SLC49A3: variants seen among roughly 807,000 people sequenced by gnomAD.
SLC49A3 encodes the protein solute carrier family 49 member A3.
In SLC49A3, 50 loss-of-function variants were observed where a neutral mutation model predicts 43.8. That is an observed-to-expected ratio of 1.14 (90% CI 0.91 to 1.45). The LOEUF (loss-of-function observed/expected upper bound fraction) is 1.45. Among genes scored for constraint, SLC49A3 ranks in the 40% most tolerant of loss-of-function variants. The probability of loss-of-function intolerance (pLI) is 0.00; values close to 1 mark genes in which losing one functional copy is unlikely to be tolerated. For synonymous variants in SLC49A3, 413 were observed against 352.0 expected (o/e 1.17, Z -1.94); for missense variants, 906 against 774.1 (o/e 1.17, Z -2.02).
At position 685,557 on chromosome 4, in the gene SLC49A3, T is replaced by A. The variant is rs1740828404; in HGVS notation, c.585+278A>T. Among the ~76,000 whole-genome samples, 1 of 150,986 alleles carries A rather than the reference T, an allele frequency of 6.6e-6. No homozygotes were observed. Among genetic ancestry groups the A allele is most frequent in the Admixed American group, 6.6e-5 (1 of 15,162 alleles). The stretch of plus-strand genomic sequence containing the variant: ...TACCAAAAATACAAAAAAAAAAAAA[T>A]TAGCCAAGCATGGTGGCGCACGCCT... On this transcript the variant is annotated intron_variant, in intron 4 of 9. Transcript: ENST00000322224. This position sits in a 1 kb window ranked among gnomAD's most constrained non-coding sequence, Gnocchi z 4.3.
At chr4:688,840 C>T (rs1019938820) in intron 1 of SLC49A3, 153 bp downstream of exon 1, 26 of 1,261,810 alleles carry the variant, frequency 2.1e-5, no homozygotes, top group Non-Finnish European at 2.6e-5. Context: ...CAGACAGTGC[C>T]CCCAGTGCCC....
chr4:686,166 A>G lies in SLC49A3; in HGVS notation c.431T>C (p.Ile144Thr). ...GGCAGCCAGCTTGGCTGGAGAGAAG[A>G]TGACCAGGCTCTGGGCAAGGGCACA... The part of the protein sequence containing the change: ...SLCALAQSLV[I>T]FSPAKLAALW... Residue 144 changes from isoleucine to threonine, a missense_variant, in exon 3 of 10, where the codon ATC (isoleucine) becomes ACC (threonine). Physicochemically the swap from Ile to Thr is moderately conservative, Grantham distance 89. Transcript: ENST00000322224. The G allele has an allele frequency of 2.5e-6, 4 of 1,613,420 alleles. No homozygotes were observed.
At position 684,611 on chromosome 4, in the gene SLC49A3, G is replaced by C. The variant is rs777984555; in HGVS notation, c.724-12C>G. ...TTGTTCCACATGAGCTGCTGGGAAA[G>C]AGCGTCTCAGCCCCGGAGCCCGGGG... On this transcript the variant is annotated splice_polypyrimidine_tract_variant and intron_variant, in intron 5 of 9. Coordinates refer to ENST00000322224, the MANE Select transcript of SLC49A3 (RefSeq NM_032219.4). The C allele has an allele frequency of 1.2e-6, 2 of 1,612,676 alleles. No homozygotes were observed. Among genetic ancestry groups the C allele is most frequent in the Non-Finnish European group, 1.7e-6 (2 of 1,179,828 alleles).
chr4:688,813 C>A (rs528022190), intron 1 of SLC49A3, 180 bp downstream of exon 1: 11 of 1,046,306 alleles, frequency 1.1e-5, no homozygotes, highest in Non-Finnish European at 1.4e-5. Flanking sequence ...GTGCCCTGGG[C>A]CCAGCCACCT....
rs775386582 is a variant in SLC49A3 at position 689,076 on chromosome 4, A to T, written c.52T>A (p.Cys18Ser). 6.4e-7 allele frequency: 1 copy of T among 1,564,808 alleles called. No individual in the cohort carries two copies. Among genetic ancestry groups the T allele is most frequent in the Non-Finnish European group, 8.6e-7 (1 of 1,161,676 alleles). ...TAGGTGCGGTGGCCCCGCTGCGCGC[A>T]CAGGGCCCGGGGCTCGGCCAACCCC... The part of the protein sequence containing the change: ...ETGLAEPRAL[C>S]AQRGHRTYAR... The change falls in exon 1 of 10, where the codon TGC (cysteine) becomes AGC (serine). Residue 18 changes from cysteine to serine, a missense_variant. Transcript: ENST00000322224.
At chr4:681,269 G>T (rs904102150), downstream of SLC49A3, 69 of 1,127,892 alleles carry the variant, frequency 6.1e-5, no homozygotes, top group Non-Finnish European at 8.4e-5. Flanking sequence ...ACAGGCCCCC[G>T]GGGGGCTCCC....
downstream of SLC49A3, chr4:677,985 CTG>C: frequency 1.2e-6 from 2 of 1,613,292 alleles, no homozygotes; most frequent in Non-Finnish European, 1.7e-6. Context: ...TGGGCAAGAC[CTG>C]GGGCCCTGGG....
rs1188002566 is a variant in SLC49A3 at position 685,893 on chromosome 4, A to G, written c.527T>C (p.Leu176Pro). ...CACAGGGGACAGCACATTGGCCACA[A>G]GGACGCCCAGAGGGTTCGCTGGGTG... ...LATMSNPLGV[L>P]VANVLSPVLV... Residue 176 changes from leucine to proline, a missense_variant, in exon 4 of 10, where the codon CTT becomes CCT. Leu to Pro is a moderately conservative substitution (Grantham distance 98). Coordinates refer to ENST00000322224, the MANE Select transcript of SLC49A3 (RefSeq NM_032219.4). This position sits in a 1 kb window ranked among gnomAD's most constrained non-coding sequence, Gnocchi z 4.3. 1 of 1,613,876 alleles carries G rather than the reference A, an allele frequency of 6.2e-7. No individual in the cohort carries two copies. Among genetic ancestry groups the G allele is most frequent in the African/African-American group, 1.3e-5 (1 of 74,932 alleles).
rs762584598 is a variant in SLC49A3, at chr4:682,865, G to A, written c.1177C>T (p.Leu393=). 9 of 1,601,772 alleles carry A rather than the reference G, an allele frequency of 5.6e-6. No homozygotes were observed. The highest frequency in any genetic ancestry group is 1.1e-5 in the South Asian group (1 of 90,178). Residue 393 remains leucine (L), a synonymous_variant, in exon 9 of 10, where the codon CTG becomes TTG. Transcript: ENST00000322224. The part of the protein sequence containing the change: ...LGQAEGILIM[L]AMTALTVRRS... Reference sequence around the variant, plus strand: ...CGCACAGTCAGTGCCGTCATTGCCAGCATGATGAGTATTCCCTCGGCCTGC... The same window carrying A: ...CGCACAGTCAGTGCCGTCATTGCCAACATGATGAGTATTCCCTCGGCCTGC...
chr4:681,866 A>G lies in SLC49A3; in HGVS notation c.*92T>C. 7.6e-7 allele frequency: 1 copy of G among 1,308,588 alleles called. No homozygotes were observed. Among genetic ancestry groups the G allele is most frequent in the Middle Eastern group, 2.3e-4 (1 of 4,300 alleles). The allele number at this position is 1,308,588 out of a possible 1,614,324, so 81.1% of individuals were successfully genotyped here. On this transcript the variant is annotated 3_prime_UTR_variant, in exon 10 of 10. Coordinates refer to ENST00000322224, the MANE Select transcript of SLC49A3 (RefSeq NM_032219.4). ...CTTGTAATTCGCTCCCGGAGCCCGC[A>G]AGGAGCCCTTTCGCCCCCGCCCGCA...
chr4:677,774 A>T (rs1356183029), downstream of SLC49A3: 3 of 605,762 alleles, frequency 5.0e-6, no homozygotes, highest in Non-Finnish European at 9.0e-6. Context: ...GGACAGGTGG[A>T]TGGGAGGTAG....
At chr4:681,827 G>C, downstream of SLC49A3, 1 of 1,273,920 alleles carries the variant, frequency 7.8e-7, no homozygotes, top group South Asian at 3.6e-5. Flanking sequence ...ACCCGGGGCC[G>C]CTGCAGGTGC....
At chr4:678,741 G>A, downstream of SLC49A3, 1 of 1,611,696 alleles carries the variant, frequency 6.2e-7, no homozygotes. Flanking sequence ...ACTTTGAGCA[G>A]ACTCAGATCC....
chr4:681,493 AC>A (rs1428020019), downstream of SLC49A3, among the ~76,000 whole-genome samples: 1 of 105,938 alleles, frequency 9.4e-6, no homozygotes, highest in African/African-American at 3.7e-5. Context: ...ATGCCGGGCC[AC>A]CCCTCAGGAC....
downstream of SLC49A3, chr4:680,145 C>G: frequency 1.0e-6 from 1 of 969,170 alleles, no homozygotes; most frequent in East Asian, 2.7e-5. Context: ...ACTCTGGGAG[C>G]CAACAACTGT....
At position 685,729 on chromosome 4, in the gene SLC49A3, A is replaced by C; in HGVS notation, c.585+106T>G. ...TCGGGTGGCGGGGCGGGGGACGGGA[A>C]TCACACACGGGCACAGGAACACGGA... On this transcript the variant is annotated intron_variant, in intron 4 of 9. Transcript: ENST00000322224. The surrounding 1 kb of genome is among the most constrained non-coding windows in gnomAD (Gnocchi z 4.3). 1 of 1,243,530 alleles carries C rather than the reference A, an allele frequency of 8.0e-7. No homozygotes were observed. The highest frequency in any genetic ancestry group is 1.2e-6 in the Non-Finnish European group (1 of 866,276). The allele number at this position is 1,243,530 out of a possible 1,614,324, so 77.0% of individuals were successfully genotyped here.
At position 682,243 on chromosome 4, in the gene SLC49A3, T is replaced by C; in HGVS notation, c.1395A>G (p.Ala465=). The C allele has an allele frequency of 7.3e-7, 1 of 1,378,648 alleles. No individual in the cohort carries two copies. Among genetic ancestry groups the C allele is most frequent in the Non-Finnish European group, 9.5e-7 (1 of 1,055,154 alleles). The allele number at this position is 1,378,648 out of a possible 1,614,324, so 85.4% of individuals were successfully genotyped here. Reference sequence around the variant, plus strand: ...CTCGGTCCACACCCGGCCCTGAGTCTGCGCCGCCCACGGCGTTACGGGTGG... The same window carrying C: ...CTCGGTCCACACCCGGCCCTGAGTCCGCGCCGCCCACGGCGTTACGGGTGG... The part of the protein sequence containing the change: ...PPSTRNAVGG[A]DSGPGVDRGG... Residue 465 remains alanine, a synonymous_variant, in exon 10 of 10, where the codon GCA becomes GCG. Coordinates refer to ENST00000322224, the MANE Select transcript of SLC49A3 (RefSeq NM_032219.4).
In SLC49A3 at chr4:683,692, AGGGGCCGAGAGCC is replaced by A. The variant is rs1740354454; in HGVS notation, c.897_909del (p.Ala300MetfsTer76). On this transcript the variant is annotated frameshift_variant, in exon 7 of 10. Transcript: ENST00000322224. LOFTEE classifies it high-confidence loss of function. ...GTGAAGTGCTTGGTCCGGTCCACATAGGGGCCGAGAGCCAGTGCCCCCAGGATCCCAAACGTGA... is the reference window on the plus strand; with the variant it reads ...GTGAAGTGCTTGGTCCGGTCCACATAAGTGCCCCCAGGATCCCAAACGTGA... 6.2e-7 allele frequency: 1 copy of A among 1,603,952 alleles called. No homozygotes were observed. Among genetic ancestry groups the A allele is most frequent in the African/African-American group, 1.3e-5 (1 of 74,782 alleles).
chr4:681,705 G>T (rs1350049183), downstream of SLC49A3: 4 of 52,806 alleles, frequency 7.6e-5, no homozygotes, highest in African/African-American at 2.6e-4. Flanking sequence ...GCGCCGCCCC[G>T]CCCCCTCCAG....
Sources: gnomAD v4.1 joint callset for allele counts (sites outside exome capture counted in the v4.1 genomes callset) on GRCh38, gnomAD v4.1.1 for gene constraint, Gnocchi (gnomAD v3.1) non-coding constraint, MANE v1.5 for transcripts, NCBI Gene and HGNC (gene_info 2026-07-23, HGNC 2026-07-21) for gene names.